SETBP1: variants seen among roughly 807,000 people sequenced by gnomAD.
SETBP1 encodes the protein SET-binding protein.
In SETBP1, 9 loss-of-function variants were observed where a neutral mutation model predicts 101.0. The ratio of observed to expected loss-of-function variants is 0.09; its 90% CI spans 0.05 to 0.16. The LOEUF is 0.16. SETBP1 is among the 10% of genes least tolerant of loss of function. The pLI, the probability that SETBP1 is intolerant of heterozygous loss-of-function variation, is 1.00. For missense variants in SETBP1, 1,858 were observed against 2,033.8 expected (o/e 0.91, Z 1.66); for synonymous variants, 818 against 788.5 (o/e 1.04, Z -0.63).
chr18:44,913,586 T>C (rs955916127), intron 3 of SETBP1, among the ~76,000 whole-genome samples: 1 of 152,214 alleles, frequency 6.6e-6, no homozygotes, highest in Non-Finnish European at 1.5e-5. Context: ...CAGAAGGAGA[T>C]GTCCTTGGAA....
intron 4 of SETBP1, among the ~76,000 whole-genome samples, chr18:44,967,292 G>A (rs2071741410): frequency 1.3e-5 from 2 of 152,190 alleles, no homozygotes; most frequent in South Asian, 4.1e-4. Flanking sequence ...CTCTGGAAAG[G>A]GCAGTCATCA....
At chr18:44,743,918 A>C (rs2070157679) in intron 2 of SETBP1, among the ~76,000 whole-genome samples, 1 of 152,164 alleles carries the variant, frequency 6.6e-6, no homozygotes, top group Non-Finnish European at 1.5e-5. Context: ...TTTGTTTTCA[A>C]CCAAAATGTA....
chr18:44,826,884 A>C (rs2072251279), intron 2 of SETBP1, among the ~76,000 whole-genome samples: 1 of 152,144 alleles, frequency 6.6e-6, no homozygotes, highest in African/African-American at 2.4e-5. Context: ...TTTAGCACAT[A>C]ATCCAGGAAC....
chr18:44,717,706 C>T (rs769560291), intron 2 of SETBP1, among the ~76,000 whole-genome samples: 40 of 152,302 alleles, frequency 2.6e-4, no homozygotes, highest in Non-Finnish European at 5.4e-4. Context: ...TGTTCTTAAA[C>T]ACACCATTTC....
intron 2 of SETBP1, among the ~76,000 whole-genome samples, chr18:44,829,965 C>A (rs2072322847): frequency 6.6e-6 from 1 of 152,104 alleles, no homozygotes; most frequent in Non-Finnish European, 1.5e-5. Flanking sequence ...TTCTTGAGGT[C>A]TTTTTCTCAT....
At chr18:44,684,518 C>A (rs2068806036) in intron 1 of SETBP1, among the ~76,000 whole-genome samples, 1 of 151,140 alleles carries the variant, frequency 6.6e-6, no homozygotes, top group South Asian at 2.1e-4. Context: ...TGAGTTGAAG[C>A]TTCTGGTCCT....
chr18:44,747,777 T>C (rs1325403660), intron 2 of SETBP1, among the ~76,000 whole-genome samples: 1 of 152,244 alleles, frequency 6.6e-6, no homozygotes, highest in Admixed American at 6.5e-5. Flanking sequence ...CTGATGTCTT[T>C]GCAGTAGGAT....
intron 3 of SETBP1, among the ~76,000 whole-genome samples, chr18:44,908,294 C>A (rs142952324): frequency 6.6e-6 from 1 of 151,930 alleles, no homozygotes; most frequent in Non-Finnish European, 1.5e-5. Context: ...CTCCTCACGT[C>A]GCCACCTCGG....
chr18:44,893,926 A>G (rs2069831511), intron 3 of SETBP1, among the ~76,000 whole-genome samples: 2 of 152,078 alleles, frequency 1.3e-5, no homozygotes. Flanking sequence ...TATTGTATAT[A>G]CCAAACTTTG....
At chr18:45,048,001 A>C (rs182388323) in intron 5 of SETBP1, among the ~76,000 whole-genome samples, 1 of 152,222 alleles carries the variant, frequency 6.6e-6, no homozygotes, top group Non-Finnish European at 1.5e-5. Flanking sequence ...ACAATAAACT[A>C]CAAGGGACTT....
chr18:44,722,034 G>A (rs1183631673), intron 2 of SETBP1, among the ~76,000 whole-genome samples: 1 of 151,476 alleles, frequency 6.6e-6, no homozygotes, highest in Non-Finnish European at 1.5e-5. Context: ...GCATCTGCGT[G>A]GACATGCATG....
At chr18:44,689,724 C>G (rs924720951) in intron 1 of SETBP1, among the ~76,000 whole-genome samples, 2 of 152,116 alleles carry the variant, frequency 1.3e-5, no homozygotes, top group Non-Finnish European at 2.9e-5. Flanking sequence ...GAGTCCTTGA[C>G]AATGGAATAG....
chr18:44,907,246 A>G (rs1396681433), intron 3 of SETBP1, among the ~76,000 whole-genome samples: 1 of 152,194 alleles, frequency 6.6e-6, no homozygotes, highest in African/African-American at 2.4e-5. Context: ...TTGTTTATCC[A>G]TTCAATAGCT....
rs1234177720 is a variant in SETBP1, at chr18:44,818,821, G to A, written c.487-50409G>A. ...CACGATTATATTTAGCGGTTAACCA[G>A]TGCCCTTCCACCATCTCCCTCTGTG... On this transcript the variant is annotated intron_variant, in intron 2 of 5. Transcript: ENST00000649279. Among the ~76,000 whole-genome samples the A allele has an allele frequency of 2.0e-5, 3 of 151,462 alleles. No individual in the cohort carries two copies. The East Asian group carries it at 5.8e-4, about 29-fold the overall frequency.
intron 4 of SETBP1, among the ~76,000 whole-genome samples, chr18:45,021,854 A>ATAACTTATTCC (rs2073077077): frequency 6.6e-6 from 1 of 152,132 alleles, no homozygotes; most frequent in Non-Finnish European, 1.5e-5. Flanking sequence ...AGCAAAAAAC[A>ATAACTTATTCC]TAACTTATTC....
chr18:44,858,818 C>G lies in SETBP1; in HGVS notation c.487-10412C>G, dbSNP rs564147683. On this transcript the variant is annotated intron_variant, in intron 2 of 5. Coordinates refer to ENST00000649279, the MANE Select transcript of SETBP1 (RefSeq NM_015559.3). ...TACCTGTGGTAATAGAGATGGCTTACTTGGGATTTTCTACTTCTCTGTATT... is the reference window on the plus strand; with the variant it reads ...TACCTGTGGTAATAGAGATGGCTTAGTTGGGATTTTCTACTTCTCTGTATT... 6.0e-4 allele frequency among the ~76,000 whole-genome samples: 91 copies of G among 152,294 alleles called. No homozygotes were observed. The Middle Eastern group carries it at 0.017, about 28-fold the overall frequency.
chr18:45,033,683 A>G (rs1289438050), intron 4 of SETBP1, among the ~76,000 whole-genome samples: 1 of 152,250 alleles, frequency 6.6e-6, no homozygotes, highest in Non-Finnish European at 1.5e-5. Flanking sequence ...ACAAGCCTAT[A>G]TTAATCACAT....
chr18:44,983,917 A>G (rs1182358764), intron 4 of SETBP1, among the ~76,000 whole-genome samples: 10 of 152,154 alleles, frequency 6.6e-5, no homozygotes. Flanking sequence ...TCAAAATACC[A>G]TATAGGCCAG....
chr18:44,809,362 G>T (rs2144819080), intron 2 of SETBP1, among the ~76,000 whole-genome samples: 1 of 152,268 alleles, frequency 6.6e-6, no homozygotes, highest in South Asian at 2.1e-4. Flanking sequence ...AAGAAAAAAA[G>T]AAATTCAAAA....
Sources: allele counts gnomAD v4.1 joint callset (sites outside exome capture counted in the v4.1 genomes callset), GRCh38; gene constraint gnomAD v4.1.1; transcripts MANE v1.5; gene names NCBI Gene and HGNC (gene_info 2026-07-23, HGNC 2026-07-21).